Variants in ZNF429 observed in about 807,000 individuals in gnomAD.
ZNF429 encodes the protein zinc finger protein 429.
A neutral mutation model predicts 56.8 loss-of-function variants in ZNF429; 53 were observed. The ratio of observed to expected loss-of-function variants is 0.93; its 90% confidence interval spans 0.75 to 1.17. ZNF429 has a LOEUF of 1.17. Among genes scored for constraint, ZNF429 ranks in the 50% most tolerant of loss-of-function variants. The pLI, the probability that ZNF429 is intolerant of heterozygous loss-of-function variation, is 0.00. For missense variants in ZNF429, 849 were observed against 788.4 expected (o/e 1.08, Z -0.92); for synonymous variants, 278 against 264.7 (o/e 1.05, Z -0.49).
rs560812045 is a variant in ZNF429, at chr19:21,527,182, C to A, written c.4-2476C>A. Among the ~76,000 whole-genome samples the A allele has an allele frequency of 1.6e-4, 24 of 152,194 alleles. No individual in the cohort carries two copies. In the Middle Eastern group the frequency reaches 0.024, roughly 151 times the overall value. On this transcript the variant is annotated intron_variant, in intron 1 of 3. Transcript: ENST00000358491. ...AGCCCAGGGGGAGTTACATCAGCAC[C>A]GATGGGACTTGTTTAAAACACTCAT...
intron 1 of ZNF429, among the ~76,000 whole-genome samples, chr19:21,506,778 T>G (rs1048603795): frequency 1.0e-4 from 15 of 146,744 alleles, no homozygotes; most frequent in African/African-American, 3.0e-4. Flanking sequence ...TTTTTTTTTT[T>G]TTTTTTTTGA....
At chr19:21,525,578 C>A (rs1057060837) in intron 1 of ZNF429, among the ~76,000 whole-genome samples, 1 of 152,044 alleles carries the variant, frequency 6.6e-6, no homozygotes, top group Non-Finnish European at 1.5e-5. Context: ...TGCTACCTTT[C>A]TAGAGCTGGT....
At chr19:21,535,385 CTTTCTTT>C in intron 3 of ZNF429, among the ~76,000 whole-genome samples, 1 of 14,996 alleles carries the variant, frequency 6.7e-5, no homozygotes, top group Non-Finnish European at 1.3e-4. Context: ...TTCTTTTTTA[CTTTCTTT>C]CTTTCTTTCT....
At chr19:21,511,036 C>T (rs1355429611) in intron 1 of ZNF429, among the ~76,000 whole-genome samples, 2 of 152,204 alleles carry the variant, frequency 1.3e-5, no homozygotes, top group Non-Finnish European at 2.9e-5. Context: ...CACCTTTCCC[C>T]CTTTTCTATT....
chr19:21,531,813 G>GA, intron 3 of ZNF429, among the ~76,000 whole-genome samples: 28,330 of 115,532 alleles, frequency 0.25, 2,755 homozygotes, highest in Middle Eastern at 0.28. Context: ...CTCAAAAAAA[G>GA]AAAAAAAAAA....
chr19:21,514,800 T>C (rs1381690151), intron 1 of ZNF429, among the ~76,000 whole-genome samples: 1 of 151,958 alleles, frequency 6.6e-6, no homozygotes, highest in Non-Finnish European at 1.5e-5. Flanking sequence ...GGTTTTGCCA[T>C]GTTGGCCAGG....
At position 21,515,304 on chromosome 19, in the gene ZNF429, A is replaced by G. The variant is rs1185022547; in HGVS notation, c.3+9530A>G. 3.6e-5 allele frequency among the ~76,000 whole-genome samples: 5 copies of G among 140,490 alleles called. No individual in the cohort carries two copies. In the Admixed American group the frequency reaches 3.7e-4, roughly 10 times the overall value. The allele number at this position is 140,490 out of a possible 152,430, so 92.2% of individuals were successfully genotyped here. Reference sequence around the variant, plus strand: ...TCTGACTGGTGTGAGATGGTATCTCATTGTGATTTTTCTTTGCATTTCTCT... The same window carrying G: ...TCTGACTGGTGTGAGATGGTATCTCGTTGTGATTTTTCTTTGCATTTCTCT... On this transcript the variant is annotated intron_variant, in intron 1 of 3. Transcript: ENST00000358491.
intron 1 of ZNF429, among the ~76,000 whole-genome samples, chr19:21,509,849 C>A (rs2032366659): frequency 6.6e-6 from 1 of 151,876 alleles, no homozygotes; most frequent in Non-Finnish European, 1.5e-5. Context: ...GAAATACCAA[C>A]CATAAGAGCT....
At chr19:21,512,073 G>A (rs2032509672) in intron 1 of ZNF429, among the ~76,000 whole-genome samples, 1 of 152,088 alleles carries the variant, frequency 6.6e-6, no homozygotes, top group Admixed American at 6.5e-5. Flanking sequence ...CATGGAAAGA[G>A]GGAGAGGGAG....
intron 1 of ZNF429, among the ~76,000 whole-genome samples, chr19:21,513,501 A>G (rs1337884930): frequency 6.6e-6 from 1 of 152,176 alleles, no homozygotes; most frequent in East Asian, 1.9e-4. Flanking sequence ...CATCTCCAGT[A>G]AGGACAATGT....
intron 3 of ZNF429, among the ~76,000 whole-genome samples, chr19:21,532,774 C>G: frequency 2.6e-5 from 4 of 151,034 alleles, no homozygotes; most frequent in Admixed American, 2.0e-4. Flanking sequence ...TCTTGGTTCA[C>G]TGCAACCTCG....
intron 1 of ZNF429, among the ~76,000 whole-genome samples, chr19:21,515,933 T>G (rs1425339488): frequency 6.6e-6 from 1 of 152,216 alleles, no homozygotes; most frequent in Non-Finnish European, 1.5e-5. Flanking sequence ...TTCTGTTGCA[T>G]TGGTCTATGA....
intron 1 of ZNF429, chr19:21,519,077 G>T (rs1435003933): frequency 6.6e-6 from 1 of 152,046 alleles, no homozygotes; most frequent in Admixed American, 6.6e-5. Context: ...GTTGAGTTTA[G>T]GTTCTGATAT....
chr19:21,537,915 A>G lies in ZNF429; in HGVS notation c.1862A>G (p.Tyr621Cys). 6.2e-7 allele frequency: 1 copy of G among 1,614,036 alleles called. No homozygotes were observed. The highest frequency in any genetic ancestry group is 1.1e-5 in the South Asian group (1 of 91,072). Residue 621 changes from tyrosine (Y) to cysteine (C), a missense_variant, in exon 4 of 4, where the codon TAC becomes TGC. Physicochemically the swap from Tyr to Cys is radical, Grantham distance 194. Coordinates refer to ENST00000358491, the MANE Select transcript of ZNF429 (RefSeq NM_001001415.4). ...AAAATTCATACTAGAGAGAAACCTT[A>G]CAAATGTGAAGAATGTGCCAAAGCT... Reference protein sequence around the residue: ...HKKIHTREKPYKCEECAKAFT... With the variant: ...HKKIHTREKPCKCEECAKAFT...
At chr19:21,516,115 C>G (rs2032727939) in intron 1 of ZNF429, among the ~76,000 whole-genome samples, 1 of 152,050 alleles carries the variant, frequency 6.6e-6, no homozygotes, top group Non-Finnish European at 1.5e-5. Context: ...ATTCCCCAGG[C>G]TGGAGTGCAG....
chr19:21,515,900 C>T (rs940491984), intron 1 of ZNF429, among the ~76,000 whole-genome samples: 2 of 152,084 alleles, frequency 1.3e-5, no homozygotes, highest in South Asian at 2.1e-4. Context: ...CGTAGGTGTG[C>T]AGCATTATTT....
At chr19:21,533,607 G>A in intron 3 of ZNF429, among the ~76,000 whole-genome samples, 3 of 148,644 alleles carry the variant, frequency 2.0e-5, no homozygotes, top group African/African-American at 7.4e-5. Context: ...TATTTAAAAT[G>A]TTTTTTGTAT....
intron 3 of ZNF429, among the ~76,000 whole-genome samples, chr19:21,533,159 A>T: frequency 1.3e-5 from 2 of 152,106 alleles, no homozygotes; most frequent in African/African-American, 4.8e-5. Flanking sequence ...AATGGATGTG[A>T]GGTGATTTTG....
At chr19:21,509,734 A>G (rs2032360688) in intron 1 of ZNF429, among the ~76,000 whole-genome samples, 1 of 152,192 alleles carries the variant, frequency 6.6e-6, no homozygotes, top group African/African-American at 2.4e-5. Flanking sequence ...CTGAAGATAA[A>G]GTTGTCCTTG....
Sources: gnomAD v4.1 joint callset for allele counts (sites outside exome capture counted in the v4.1 genomes callset) on GRCh38, gnomAD v4.1.1 for gene constraint, MANE v1.5 for transcripts, NCBI Gene and HGNC (gene_info 2026-07-23, HGNC 2026-07-21) for gene names.